The following PTPRN2 variants were observed in gnomAD, a reference collection of about 807,000 sequenced individuals.
The protein encoded by PTPRN2 is receptor-type tyrosine-protein phosphatase N2.
PTPRN2 carries 74 observed loss-of-function variants against 118.8 expected under a neutral mutation model. The observed-to-expected ratio is 0.62, with a 90% confidence interval of 0.52 to 0.76. The LOEUF is 0.76. Among genes scored for constraint, PTPRN2 ranks in the 30% least tolerant of loss-of-function variants. The probability of loss-of-function intolerance (pLI) is 0.00; values close to 1 mark genes in which losing one functional copy is unlikely to be tolerated. For synonymous variants in PTPRN2, 641 were observed against 608.0 expected (o/e 1.05, Z -0.80); for missense variants, 1,481 against 1,394.4 (o/e 1.06, Z -0.99).
rs555277389 is a variant in PTPRN2 at position 158,213,745 on chromosome 7, T to C, written c.278-8472A>G. 2.7e-3 allele frequency among the ~76,000 whole-genome samples: 413 copies of C among 152,346 alleles called. 12 individuals carry two copies. The highest frequency in any genetic ancestry group is 3.8e-4 in the Non-Finnish European group (26 of 68,036). ...AATGTTAGTATAATATCTATTATTG[T>C]GGATTTAGAAATAAGGATATTTTAA... is the stretch of plus-strand genomic sequence containing the variant. On this transcript the variant is annotated intron_variant, in intron 3 of 22. Transcript: ENST00000389418.
chr7:158,471,863 G>T (rs1314183581), intron 2 of PTPRN2, among the ~76,000 whole-genome samples: 1 of 152,256 alleles, frequency 6.6e-6, no homozygotes, highest in African/African-American at 2.4e-5. Flanking sequence ...CCCCTCTCAG[G>T]CTGGGTGCGT....
In PTPRN2 at chr7:157,657,948, A is replaced by C. The variant is rs540028618; in HGVS notation, c.2002-1397T>G. 1.3e-3 allele frequency among the ~76,000 whole-genome samples: 138 copies of C among 110,058 alleles called. 1 individual carries two copies. The highest frequency in any genetic ancestry group is 4.6e-3 in the African/African-American group (134 of 29,198). The allele number at this position is 110,058 out of a possible 152,430, so 72.2% of individuals were successfully genotyped here. A position where few individuals can be genotyped will look rare whatever the true frequency, so the allele number is the denominator to read the frequency against. ...CGCAGACACACCACACACACACACC[A>C]CACACATATGTAACAGACACACACA... On this transcript the variant is annotated intron_variant, in intron 13 of 22. Transcript: ENST00000389418.
chr7:157,583,883 AACACACACACACACACACACACAC>A lies in PTPRN2; in HGVS notation c.2497-5767_2497-5744del, dbSNP rs35071475. ...GGTGACAGAGCGAGACTCTGTCTCAAACACACACACACACACACACACACACACACACACACACACACACACACA... is the reference window on the plus strand; with the variant it reads ...GGTGACAGAGCGAGACTCTGTCTCAAACACACACACACACACACACACACA... On this transcript the variant is annotated intron_variant, in intron 17 of 22. Coordinates refer to ENST00000389418, the MANE Select transcript of PTPRN2 (RefSeq NM_002847.5). The surrounding 1 kb of genome is among the most constrained non-coding windows in gnomAD (Gnocchi z 5.5). Among the ~76,000 whole-genome samples the A allele has an allele frequency of 3.0e-3, 399 of 134,264 alleles. 5 individuals carry two copies. Among genetic ancestry groups the A allele is most frequent in the African/African-American group, 0.011 (376 of 35,640 alleles). 88.1% of individuals were successfully genotyped at this position (134,264 alleles called of 152,430 possible). A position where few individuals can be genotyped will look rare whatever the true frequency, so the allele number is the denominator to read the frequency against.
In PTPRN2 at chr7:158,570,665, A is replaced by C. The variant is rs941697445; in HGVS notation, c.112+16893T>G. On this transcript the variant is annotated intron_variant, in intron 1 of 22. Transcript: ENST00000389418. The surrounding 1 kb of genome is among the most constrained non-coding windows in gnomAD (Gnocchi z 4.5). Reference sequence around the variant, plus strand: ...CTTGCTGCGGCGTGTCTCCGCCGTAACACGTGTATACCGGCTCAGCACGCG... The same window carrying C: ...CTTGCTGCGGCGTGTCTCCGCCGTACCACGTGTATACCGGCTCAGCACGCG... Among the ~76,000 whole-genome samples the C allele has an allele frequency of 6.6e-6, 1 of 152,210 alleles. No individual in the cohort carries two copies. The highest frequency in any genetic ancestry group is 2.4e-5 in the African/African-American group (1 of 41,448).
chr7:158,216,929 A>G (rs1343104084), intron 3 of PTPRN2, among the ~76,000 whole-genome samples: 1 of 152,240 alleles, frequency 6.6e-6, no homozygotes, highest in Non-Finnish European at 1.5e-5. Flanking sequence ...GGTAGAAATC[A>G]ATAACAGAAA....
At chr7:158,190,754 G>A (rs1425040507) in intron 5 of PTPRN2, among the ~76,000 whole-genome samples, 3 of 152,264 alleles carry the variant, frequency 2.0e-5, no homozygotes, top group Non-Finnish European at 2.9e-5. Context: ...GTGGCCTGTG[G>A]GTCTGGCACC....
chr7:157,887,642 T>TCCCCAGTACCCGCTC (rs1177137432), intron 12 of PTPRN2, among the ~76,000 whole-genome samples: 23 of 6,128 alleles, frequency 3.8e-3, no homozygotes, highest in Admixed American at 1.0e-2. Context: ...CCATACCCAC[T>TCCCCAGTACCCGCTC]CCCCAGTACC....
intron 12 of PTPRN2, among the ~76,000 whole-genome samples, chr7:157,761,883 T>C (rs1436137652): frequency 6.6e-6 from 1 of 151,884 alleles, no homozygotes; most frequent in East Asian, 1.9e-4. Context: ...GAATCTACAA[T>C]GAACTCAAAC....
intron 12 of PTPRN2, among the ~76,000 whole-genome samples, chr7:157,896,081 G>A (rs7779285): frequency 0.019 from 2,872 of 151,534 alleles, 107 homozygotes; most frequent in African/African-American, 0.066. Flanking sequence ...CCCAGGGGAG[G>A]ACGGGAGGAG....
rs139449578 is a variant in PTPRN2, at chr7:158,226,482, C to T, written c.278-21209G>A. ...TGAACTGTGTGGCAGAGGAGATCCC[C>T]GTGGGAGGGGCAGGTGGAGAATGCC... On this transcript the variant is annotated intron_variant, in intron 3 of 22. Coordinates refer to ENST00000389418, the MANE Select transcript of PTPRN2 (RefSeq NM_002847.5). 5.5e-3 allele frequency among the ~76,000 whole-genome samples: 834 copies of T among 152,142 alleles called. 5 individuals carry two copies. The highest frequency in any genetic ancestry group is 0.019 in the African/African-American group (777 of 41,516).
intron 11 of PTPRN2, among the ~76,000 whole-genome samples, chr7:157,907,665 CTG>C (rs1491366760): frequency 8.3e-6 from 1 of 120,306 alleles, no homozygotes; most frequent in Non-Finnish European, 1.7e-5. Flanking sequence ...GTGGGGTGTC[CTG>C]GGGGTGGCAG....
Position 158,124,250 on chromosome 7 carries a change from T to C in PTPRN2, c.1556+9427A>G, listed in dbSNP as rs566525303. ...ATGCCAACGGTCCCCACTCCCGCTATGCTGCCTTCTCTCTCCCAGCCTGCA... is the reference window on the plus strand; with the variant it reads ...ATGCCAACGGTCCCCACTCCCGCTACGCTGCCTTCTCTCTCCCAGCCTGCA... On this transcript the variant is annotated intron_variant, in intron 9 of 22. Transcript: ENST00000389418. 3.4e-3 allele frequency among the ~76,000 whole-genome samples: 512 copies of C among 152,338 alleles called. 5 individuals carry two copies. The highest frequency in any genetic ancestry group is 0.012 in the African/African-American group (488 of 41,580).
intron 2 of PTPRN2, among the ~76,000 whole-genome samples, chr7:158,422,059 G>A (rs1328328858): frequency 6.6e-6 from 1 of 152,186 alleles, no homozygotes; most frequent in Non-Finnish European, 1.5e-5. Context: ...CCTCATCACA[G>A]AAATACTTCA....
In PTPRN2 at chr7:157,627,770, C is replaced by A. The variant is rs1034110556; in HGVS notation, c.2197-6261G>T. On this transcript the variant is annotated intron_variant, in intron 14 of 22. Coordinates refer to ENST00000389418, the MANE Select transcript of PTPRN2 (RefSeq NM_002847.5). The surrounding 1 kb of genome is among the most constrained non-coding windows in gnomAD (Gnocchi z 4.2). ...TAGATCAAACCATTCATGGAGAAAG[C>A]TACGGGGACTCAGGAAGTGGGTTTC... Among the ~76,000 whole-genome samples the A allele has an allele frequency of 2.6e-5, 4 of 152,112 alleles. No homozygotes were observed. Among genetic ancestry groups the A allele is most frequent in the Non-Finnish European group, 5.9e-5 (4 of 68,020 alleles).
intron 9 of PTPRN2, among the ~76,000 whole-genome samples, chr7:158,115,757 G>C (rs762779216): frequency 1.1e-4 from 16 of 152,156 alleles, no homozygotes; most frequent in Non-Finnish European, 1.8e-4. Flanking sequence ...ATGGTGCTTT[G>C]TTATAGCACT....
chr7:157,998,875 G>A (rs972359769), intron 11 of PTPRN2, among the ~76,000 whole-genome samples: 5 of 151,030 alleles, frequency 3.3e-5, no homozygotes, highest in Admixed American at 1.3e-4. Context: ...TTTGAAGCAC[G>A]TTTGGCTGGA....
At position 158,188,274 on chromosome 7, in the gene PTPRN2, GT is replaced by G. The variant is rs780000020; in HGVS notation, c.549+4052del. Among the ~76,000 whole-genome samples the G allele has an allele frequency of 1.4e-3, 78 of 57,346 alleles. 3 individuals carry two copies. The highest frequency in any genetic ancestry group is 2.5e-3 in the Admixed American group (12 of 4,778). The allele number at this position is 57,346 out of a possible 152,430, so 37.6% of individuals were successfully genotyped here. A position where few individuals can be genotyped will look rare whatever the true frequency, so the allele number is the denominator to read the frequency against. ...GGGAAGGCCGCCACGCTCGCCCCCT[GT>G]ATGGGGAAGGCCGCCACGCTCGCCC... is the stretch of plus-strand genomic sequence containing the variant. On this transcript the variant is annotated intron_variant, in intron 5 of 22. Transcript: ENST00000389418.
intron 12 of PTPRN2, among the ~76,000 whole-genome samples, chr7:157,823,556 G>A (rs1440977873): frequency 6.6e-6 from 1 of 152,136 alleles, no homozygotes; most frequent in Non-Finnish European, 1.5e-5. Flanking sequence ...ACTAGAATTG[G>A]ACTCCTAGGA....
intron 11 of PTPRN2, among the ~76,000 whole-genome samples, chr7:158,007,092 T>C (rs1805681311): frequency 6.6e-6 from 1 of 152,202 alleles, no homozygotes; most frequent in African/African-American, 2.4e-5. Flanking sequence ...ACGTGGCTTC[T>C]TCTCCAGTGT....
Sources: allele counts gnomAD v4.1 joint callset (sites outside exome capture counted in the v4.1 genomes callset), GRCh38; gene constraint gnomAD v4.1.1; non-coding constraint Gnocchi (gnomAD v3.1); transcripts MANE v1.5; gene names NCBI Gene and HGNC (gene_info 2026-07-23, HGNC 2026-07-21).